EFL1: variants seen among roughly 807,000 people sequenced by gnomAD.
EFL1 encodes the protein elongation factor-like GTPase 1.
EFL1 carries 76 observed loss-of-function variants against 126.7 expected under a neutral mutation model. The observed-to-expected ratio is 0.60, with a 90% CI of 0.50 to 0.73. EFL1 has a LOEUF of 0.73. Among genes scored for constraint, EFL1 ranks in the 30% least tolerant of loss-of-function variants. The probability of loss-of-function intolerance (pLI) is 0.00; values close to 1 mark genes in which losing one functional copy is unlikely to be tolerated. For missense variants in EFL1, 1,128 were observed against 1,343.2 expected (o/e 0.84, Z 2.50); for synonymous variants, 410 against 448.4 (o/e 0.91, Z 1.08).
chr15:82,169,754 A>G (rs1240348680), intron 15 of EFL1, among the ~76,000 whole-genome samples: 1 of 152,156 alleles, frequency 6.6e-6, no homozygotes, highest in African/African-American at 2.4e-5. Context: ...TGTGCTTTCA[A>G]ATAATTGATA....
intron 6 of EFL1, among the ~76,000 whole-genome samples, chr15:82,239,703 T>C (rs1385262775): frequency 6.6e-6 from 1 of 152,214 alleles, no homozygotes; most frequent in Non-Finnish European, 1.5e-5. Context: ...GTTCCTTAAA[T>C]GAAACACTGT....
intron 18 of EFL1, among the ~76,000 whole-genome samples, chr15:82,141,055 CAA>C (rs1311648877): frequency 6.6e-6 from 1 of 152,152 alleles, no homozygotes; most frequent in Admixed American, 6.5e-5. Context: ...GTAAGCTACT[CAA>C]AGACAGCTGT....
In EFL1 at chr15:82,166,791, T is replaced by C. The variant is rs140543318; in HGVS notation, c.1751-2807A>G. ...CTATTGTCACACATAATTTACACTG[T>C]TGTAATAACCATAAACTTCTTGTCC... On this transcript the variant is annotated intron_variant, in intron 15 of 19. Transcript: ENST00000268206. Among the ~76,000 whole-genome samples, 527 of 152,366 alleles carry C rather than the reference T, an allele frequency of 3.5e-3. 2 individuals are homozygous for C. Among genetic ancestry groups the C allele is most frequent in the Non-Finnish European group, 6.2e-3 (421 of 68,034 alleles).
chr15:82,179,561 C>T (rs1353329083), intron 15 of EFL1, among the ~76,000 whole-genome samples: 2 of 152,052 alleles, frequency 1.3e-5, no homozygotes, highest in Non-Finnish European at 2.9e-5. Flanking sequence ...TAGACCACAG[C>T]TTTTTTTCCT....
intron 15 of EFL1, among the ~76,000 whole-genome samples, chr15:82,199,633 T>C (rs1046938680): frequency 1.3e-5 from 2 of 152,226 alleles, no homozygotes; most frequent in Admixed American, 6.5e-5. Flanking sequence ...TTTAGCTCCC[T>C]AGTGAACTTA....
At chr15:82,262,211 G>A (rs961215155) in intron 1 of EFL1, 1 of 156,736 alleles carries the variant, frequency 6.4e-6, no homozygotes, top group Non-Finnish European at 1.4e-5. Context: ...CTTCCCCCAA[G>A]TCCCTCATTC....
At chr15:82,172,254 C>T (rs746261710) in intron 15 of EFL1, among the ~76,000 whole-genome samples, 6 of 152,114 alleles carry the variant, frequency 3.9e-5, no homozygotes, top group South Asian at 2.1e-4. Flanking sequence ...CAACTATGAG[C>T]GAGAATAAGC....
At position 82,151,778 on chromosome 15, in the gene EFL1, A is replaced by C. The variant is rs1239980490; in HGVS notation, c.2676T>G (p.Phe892Leu). ...TACTTAGGTCCCATTTTTCCAGAACAAAACAGACACCCATGAGAGGCTCCT... is the reference window on the plus strand; with the variant it reads ...TACTTAGGTCCCATTTTTCCAGAACCAAACAGACACCCATGAGAGGCTCCT... ...MCEEPLMGVC[F>L]VLEKWDLSKF... Residue 892 changes from phenylalanine (F) to leucine (L), a missense_variant, in exon 18 of 20, where the codon TTT becomes TTG. By Grantham distance (22) the Phe-to-Leu change is conservative. This residue lies in a region of EFL1 where 561 missense variants were observed against 641.7 expected (regional missense o/e 0.87). Coordinates refer to ENST00000268206, the MANE Select transcript of EFL1 (RefSeq NM_024580.6). 11 of 1,614,058 alleles carry C rather than the reference A, an allele frequency of 6.8e-6. No homozygotes were observed. Among genetic ancestry groups the C allele is most frequent in the Admixed American group, 3.3e-5 (2 of 60,002 alleles).
At chr15:82,150,975 C>T (rs1223807759) in intron 18 of EFL1, among the ~76,000 whole-genome samples, 1 of 152,134 alleles carries the variant, frequency 6.6e-6, no homozygotes, top group Non-Finnish European at 1.5e-5. Context: ...CTTTAGTAGT[C>T]ATGTTTTTCC....
chr15:82,216,986 A>G (rs1486812860), intron 14 of EFL1, among the ~76,000 whole-genome samples: 1 of 152,186 alleles, frequency 6.6e-6, no homozygotes, highest in Non-Finnish European at 1.5e-5. Flanking sequence ...TTAAAACAAT[A>G]AAGTACCATA....
chr15:82,171,861 A>G (rs920902127), intron 15 of EFL1, among the ~76,000 whole-genome samples: 35 of 152,064 alleles, frequency 2.3e-4, no homozygotes, highest in African/African-American at 7.7e-4. Flanking sequence ...TACTGAAAAT[A>G]AAAGTTAAAA....
chr15:82,154,575 A>T (rs963622050), intron 17 of EFL1, among the ~76,000 whole-genome samples: 4 of 152,212 alleles, frequency 2.6e-5, no homozygotes, highest in African/African-American at 7.2e-5. Context: ...ACTTACCTCA[A>T]AGTGAACACC....
chr15:82,147,253 C>T (rs186442330), intron 18 of EFL1, among the ~76,000 whole-genome samples: 27 of 152,144 alleles, frequency 1.8e-4, no homozygotes, highest in Admixed American at 1.7e-3. Flanking sequence ...ACAGGTGCTC[C>T]CATTATTTTG....
intron 15 of EFL1, among the ~76,000 whole-genome samples, chr15:82,196,952 A>AGGCAGGAGAATCGTTTCC (rs2074414344): frequency 6.6e-6 from 1 of 152,090 alleles, no homozygotes; most frequent in Non-Finnish European, 1.5e-5. Context: ...GAATCGTTTC[A>AGGCAGGAGAATCGTTTCC]ACCCAGGAGT....
At chr15:82,250,440 T>C (rs1206553327) in intron 4 of EFL1, among the ~76,000 whole-genome samples, 6 of 130,174 alleles carry the variant, frequency 4.6e-5, no homozygotes, top group Non-Finnish European at 9.6e-5. Flanking sequence ...GCAACCTCTG[T>C]GATGGGCTGG....
chr15:82,154,366 T>C (rs1207677274), intron 17 of EFL1, among the ~76,000 whole-genome samples: 1 of 152,184 alleles, frequency 6.6e-6, no homozygotes, highest in Non-Finnish European at 1.5e-5. Context: ...TCTCCTTGTC[T>C]CCCATTCCTG....
At chr15:82,248,695 G>C (rs969552991) in intron 4 of EFL1, among the ~76,000 whole-genome samples, 7 of 152,052 alleles carry the variant, frequency 4.6e-5, no homozygotes, top group African/African-American at 9.7e-5. Flanking sequence ...CACTGAACCA[G>C]GCTATTAGCT....
chr15:82,143,272 AAAAT>A (rs2073808559), intron 18 of EFL1, among the ~76,000 whole-genome samples: 1 of 152,218 alleles, frequency 6.6e-6, no homozygotes, highest in Non-Finnish European at 1.5e-5. Context: ...GCATGCCTAT[AAAAT>A]AAATAATAAA....
Position 82,152,082 on chromosome 15 carries a change from A to G in EFL1, c.2372T>C (p.Met791Thr), listed in dbSNP as rs777324138. 1 of 1,614,116 alleles carries G rather than the reference A, an allele frequency of 6.2e-7. No individual in the cohort carries two copies. The highest frequency in any genetic ancestry group is 2.2e-5 in the East Asian group (1 of 44,878). ...SSLNEGENTH[M>T]IHQKTQEKIW... ...TTTCTCTTGGGTCTTCTGATGAATC[A>G]TGTGAGTATTTTCACCCTCATTCAA... The change falls in exon 18 of 20, where the codon ATG becomes ACG. Residue 791 changes from methionine (M) to threonine (T), a missense_variant. Physicochemically the swap from Met to Thr is moderately conservative, Grantham distance 81. Around this residue, in one of 6 missense-constraint regions of EFL1, gnomAD observed 561 missense variants for 641.7 expected, o/e 0.87. Transcript: ENST00000268206.
Sources: allele counts gnomAD v4.1 joint callset (sites outside exome capture counted in the v4.1 genomes callset), GRCh38; gene constraint gnomAD v4.1.1; regional missense constraint gnomAD v4.1.1; transcripts MANE v1.5; gene names NCBI Gene and HGNC (gene_info 2026-07-23, HGNC 2026-07-21).